Variants in ATG7 observed in about 807,000 individuals in gnomAD.
ATG7 encodes the protein ubiquitin-like modifier-activating enzyme ATG7.
ATG7 carries 70 observed loss-of-function variants against 82.4 expected under a neutral mutation model. The observed-to-expected ratio is 0.85, with a 90% CI of 0.70 to 1.04. ATG7 has a LOEUF of 1.04. Among genes scored for constraint, ATG7 ranks in the 50% least tolerant of loss-of-function variants. ATG7 has a pLI of 0.00. For synonymous variants in ATG7, 287 were observed against 313.0 expected (o/e 0.92, Z 0.88); for missense variants, 792 against 864.3 (o/e 0.92, Z 1.05).
At chr3:11,277,701 G>A (rs1942112992) in intron 1 of ATG7, among the ~76,000 whole-genome samples, 1 of 152,156 alleles carries the variant, frequency 6.6e-6, no homozygotes, top group South Asian at 2.1e-4. Flanking sequence ...AGCAGTGTAT[G>A]TATTGTCTTG....
At chr3:11,372,360 C>T (rs1433465970) in intron 18 of ATG7, among the ~76,000 whole-genome samples, 1 of 150,782 alleles carries the variant, frequency 6.6e-6, no homozygotes, top group Non-Finnish European at 1.5e-5. Context: ...GATTATTTTG[C>T]AGGGAGAGGG....
chr3:11,499,845 G>T (rs944651072), intron 20 of ATG7, among the ~76,000 whole-genome samples: 1 of 152,070 alleles, frequency 6.6e-6, no homozygotes, highest in African/African-American at 2.4e-5. Context: ...GGGAGCCACA[G>T]TGCTAGCTGT....
At chr3:11,536,191 C>T (rs920341009) in intron 20 of ATG7, among the ~76,000 whole-genome samples, 3 of 152,124 alleles carry the variant, frequency 2.0e-5, no homozygotes, top group Non-Finnish European at 4.4e-5. Flanking sequence ...GGAGGAGAAC[C>T]GAGAGGTTTT....
chr3:11,323,867 C>G (rs1249359732), intron 9 of ATG7, among the ~76,000 whole-genome samples: 1 of 152,198 alleles, frequency 6.6e-6, no homozygotes, highest in Admixed American at 6.5e-5. Flanking sequence ...CTCCTTTGTG[C>G]ATTTCCTGTT....
chr3:11,552,607 T>G (rs183837004), intron 20 of ATG7, among the ~76,000 whole-genome samples: 160 of 152,300 alleles, frequency 1.1e-3, no homozygotes, highest in Non-Finnish European at 1.7e-3. Flanking sequence ...ACGAAGCCAG[T>G]GGAGAGCCCG....
At chr3:11,307,147 C>A in intron 6 of ATG7, 87 bp downstream of exon 6, 1 of 1,207,434 alleles carries the variant, frequency 8.3e-7, no homozygotes, top group Non-Finnish European at 1.2e-6. Context: ...GGGTCTGCTG[C>A]AGAAACTGGC....
At chr3:11,382,525 T>C (rs981802626) in intron 19 of ATG7, among the ~76,000 whole-genome samples, 1 of 152,202 alleles carries the variant, frequency 6.6e-6, no homozygotes, top group Admixed American at 6.5e-5. Context: ...TTCATTCCAG[T>C]TTCTACTTAT....
chr3:11,443,693 C>T (rs1324975180), intron 20 of ATG7, among the ~76,000 whole-genome samples: 1 of 152,192 alleles, frequency 6.6e-6, no homozygotes, highest in African/African-American at 2.4e-5. Context: ...GTCTGAGTCA[C>T]TGCACCTGGC....
intron 18 of ATG7, among the ~76,000 whole-genome samples, chr3:11,374,586 A>G (rs1284924745): frequency 6.6e-6 from 1 of 152,198 alleles, no homozygotes; most frequent in East Asian, 1.9e-4. Context: ...GTAGGACTGC[A>G]CTAAAATAAA....
intron 20 of ATG7, among the ~76,000 whole-genome samples, chr3:11,487,441 G>A (rs1277470791): frequency 7.2e-4 from 50 of 69,210 alleles, no homozygotes; most frequent in African/African-American, 2.3e-3. Flanking sequence ...CCTCCCGGAC[G>A]GGGCGGCTGG....
chr3:11,508,614 T>A lies in ATG7; in HGVS notation c.2080-46197T>A, dbSNP rs2091877621. On this transcript the variant is annotated intron_variant, in intron 20 of 20. Coordinates refer to ENST00000693202, the MANE Select transcript of ATG7 (RefSeq NM_001349232.2). ...GGTGTACCACCATGCCTGCTAATAT[T>A]ATTATTATTTTCTTGTAATAGAGAC... Among the ~76,000 whole-genome samples, 7 of 152,118 alleles carry A rather than the reference T, an allele frequency of 4.6e-5. No homozygotes were observed. The South Asian group carries it at 1.5e-3, about 32-fold the overall frequency.
At chr3:11,558,941 G>A (rs1345264214), downstream of ATG7, 7 of 1,305,798 alleles carry the variant, frequency 5.4e-6, no homozygotes, top group South Asian at 2.8e-5. Context: ...CACGGTCAGC[G>A]TGGGCTCTGC....
chr3:11,494,782 G>C lies in ATG7; in HGVS notation c.2080-60029G>C, dbSNP rs372725130. 3.9e-5 allele frequency among the ~76,000 whole-genome samples: 6 copies of C among 152,264 alleles called. No individual in the cohort carries two copies. In the South Asian group the frequency reaches 8.3e-4, roughly 21 times the overall value. On this transcript the variant is annotated intron_variant, in intron 20 of 20. Coordinates refer to ENST00000693202, the MANE Select transcript of ATG7 (RefSeq NM_001349232.2). Reference sequence around the variant, plus strand: ...GGAGGGGACTCATGCACTCTGTAAAGGCTTGAACAGGCCAGGCATGGTGGC... The same window carrying C: ...GGAGGGGACTCATGCACTCTGTAAACGCTTGAACAGGCCAGGCATGGTGGC...
rs542056070 is a variant in ATG7, at chr3:11,408,373, C to G, written c.1957-18431C>G. On this transcript the variant is annotated intron_variant, in intron 19 of 20. Transcript: ENST00000693202. ...CAGCAAGTCTCTAGGAAGTTCCAAA[C>G]TTTCCCACATTTTGCTGTCTTCTTC... Among the ~76,000 whole-genome samples, 52 of 152,344 alleles carry G rather than the reference C, an allele frequency of 3.4e-4. 1 individual carries two copies. The South Asian group carries it at 0.011, about 32-fold the overall frequency.
chr3:11,545,159 G>A (rs1281046267), intron 20 of ATG7, among the ~76,000 whole-genome samples: 1 of 152,176 alleles, frequency 6.6e-6, no homozygotes, highest in Non-Finnish European at 1.5e-5. Context: ...GTGCCGGGGT[G>A]GGGAGCTTGG....
intron 9 of ATG7, among the ~76,000 whole-genome samples, chr3:11,317,610 T>C (rs1949630960): frequency 1.4e-5 from 2 of 147,856 alleles, no homozygotes; most frequent in Non-Finnish European, 3.0e-5. Context: ...TTTTTGTTTT[T>C]GAGGCAGAGT....
At chr3:11,334,117 T>A (rs1271875783) in intron 11 of ATG7, among the ~76,000 whole-genome samples, 2 of 152,166 alleles carry the variant, frequency 1.3e-5, no homozygotes, top group Non-Finnish European at 2.9e-5. Context: ...GTCTGGCACA[T>A]CATAGGTGCT....
At chr3:11,475,842 G>A (rs531726360) in intron 20 of ATG7, among the ~76,000 whole-genome samples, 99 of 139,684 alleles carry the variant, frequency 7.1e-4, no homozygotes, top group Non-Finnish European at 1.1e-3. Flanking sequence ...ACTTTGGTTC[G>A]TCTATGTCCA....
At chr3:11,316,362 C>T (rs989477456) in intron 9 of ATG7, among the ~76,000 whole-genome samples, 1 of 152,212 alleles carries the variant, frequency 6.6e-6, no homozygotes. Context: ...ATCCCCTTCC[C>T]GTCAGATACA....
Sources: allele counts gnomAD v4.1 joint callset (sites outside exome capture counted in the v4.1 genomes callset), GRCh38; gene constraint gnomAD v4.1.1; transcripts MANE v1.5; gene names NCBI Gene and HGNC (gene_info 2026-07-23, HGNC 2026-07-21).